Variants in HECW1 observed in about 807,000 individuals in gnomAD.
The protein encoded by HECW1 is HECT, C2 and WW domain containing E3 ubiquitin protein ligase 1, also known as E3 ubiquitin-protein ligase HECW1.
A neutral mutation model predicts 182.3 loss-of-function variants in HECW1; 61 were observed. That is an observed-to-expected ratio of 0.33 (90% confidence interval 0.27 to 0.41). The LOEUF is 0.41. Ranked by LOEUF, HECW1 falls within the 10% of genes least tolerant of loss-of-function variation. The probability of loss-of-function intolerance (pLI) is 1.00; values close to 1 mark genes in which losing one functional copy is unlikely to be tolerated. For missense variants in HECW1, 1,739 were observed against 2,108.9 expected, an observed-to-expected ratio of 0.82 and a Z score of 3.44; for synonymous variants, 859 against 832.6, an observed-to-expected ratio of 1.03 and a Z score of -0.55.
chr7:43,536,516 G>T (rs1234364739), intron 24 of HECW1, among the ~76,000 whole-genome samples: 1 of 152,220 alleles, frequency 6.6e-6, no homozygotes, highest in Non-Finnish European at 1.5e-5. Context: ...ATGTGCACCT[G>T]CTGGGTACCT....
At chr7:43,199,029 C>T (rs920594342) in intron 2 of HECW1, among the ~76,000 whole-genome samples, 4 of 152,234 alleles carry the variant, frequency 2.6e-5, no homozygotes, top group African/African-American at 9.6e-5. Context: ...GGTATGACCA[C>T]AAATCCGATA....
At chr7:43,171,061 T>C (rs1791639876) in intron 2 of HECW1, among the ~76,000 whole-genome samples, 1 of 152,196 alleles carries the variant, frequency 6.6e-6, no homozygotes, top group Non-Finnish European at 1.5e-5. Context: ...GTTGGTCAGA[T>C]GGGAGTGCAC....
intron 2 of HECW1, among the ~76,000 whole-genome samples, chr7:43,175,919 T>A (rs1792189675): frequency 6.6e-6 from 1 of 152,158 alleles, no homozygotes; most frequent in Admixed American, 6.5e-5. Context: ...GTCTTAAATT[T>A]CTCTTACCCA....
chr7:43,120,046 G>A (rs1341596494), intron 2 of HECW1, among the ~76,000 whole-genome samples: 1 of 152,160 alleles, frequency 6.6e-6, no homozygotes, highest in Non-Finnish European at 1.5e-5. Flanking sequence ...TTAGGTGCTG[G>A]GATGTAGCAG....
intron 5 of HECW1, among the ~76,000 whole-genome samples, chr7:43,342,978 A>T (rs947322956): frequency 6.6e-6 from 1 of 151,624 alleles, no homozygotes; most frequent in Non-Finnish European, 1.5e-5. Flanking sequence ...GTGAGCCAAG[A>T]TGCACCACTG....
At chr7:43,153,826 A>C (rs1714164542) in intron 2 of HECW1, among the ~76,000 whole-genome samples, 1 of 152,230 alleles carries the variant, frequency 6.6e-6, no homozygotes, top group African/African-American at 2.4e-5. Flanking sequence ...GTTCATGTGA[A>C]GCATACAGGA....
At chr7:43,330,420 G>A (rs1811318672) in intron 5 of HECW1, among the ~76,000 whole-genome samples, 1 of 152,204 alleles carries the variant, frequency 6.6e-6, no homozygotes, top group African/African-American at 2.4e-5. Flanking sequence ...GAGATCCGCA[G>A]GAGAACTGCC....
intron 5 of HECW1, among the ~76,000 whole-genome samples, chr7:43,357,816 A>G (rs901889456): frequency 1.3e-5 from 2 of 152,200 alleles, no homozygotes; most frequent in African/African-American, 2.4e-5. Context: ...TCCCAATTAC[A>G]TTCATTTGAT....
chr7:43,364,405 A>G (rs1179317724), intron 6 of HECW1, among the ~76,000 whole-genome samples: 1 of 152,196 alleles, frequency 6.6e-6, no homozygotes, highest in African/African-American at 2.4e-5. Context: ...GCTTATAGAG[A>G]TAAATGAAAT....
chr7:43,561,972 C>T lies in HECW1; in HGVS notation c.*46C>T, dbSNP rs759949368. 7.4e-6 allele frequency: 8 copies of T among 1,088,160 alleles called. No homozygotes were observed. Among genetic ancestry groups the T allele is most frequent in the Non-Finnish European group, 1.1e-5 (8 of 703,976 alleles). The allele number at this position is 1,088,160 out of a possible 1,614,324, so 67.4% of individuals were successfully genotyped here. ...CATTTTCCTGGCCAGTGACATCACC[C>T]TTCCTGGGATGATCCCCTTTTCCCT... On this transcript the variant is annotated 3_prime_UTR_variant, in exon 30 of 30. Coordinates refer to ENST00000395891, the MANE Select transcript of HECW1 (RefSeq NM_015052.5).
chr7:43,114,231 C>T lies in HECW1; in HGVS notation c.-192C>T, dbSNP rs1486190964. ...TCAAAAATTGAGGGAGGCATCTTCTCTCTTTTCCTGGGATTTAAACGCGAT... is the reference window on the plus strand; with the variant it reads ...TCAAAAATTGAGGGAGGCATCTTCTTTCTTTTCCTGGGATTTAAACGCGAT... On this transcript the variant is annotated 5_prime_UTR_variant, in exon 2 of 30. Coordinates refer to ENST00000395891, the MANE Select transcript of HECW1 (RefSeq NM_015052.5). The T allele has an allele frequency of 7.3e-7, 1 of 1,362,328 alleles. No homozygotes were observed. The highest frequency in any genetic ancestry group is 1.4e-5 in the African/African-American group (1 of 69,336). The allele number at this position is 1,362,328 out of a possible 1,614,324, so 84.4% of individuals were successfully genotyped here.
intron 5 of HECW1, among the ~76,000 whole-genome samples, chr7:43,329,912 G>A (rs1183901467): frequency 7.9e-5 from 12 of 152,164 alleles, no homozygotes; most frequent in Admixed American, 7.9e-4. Context: ...ATAGGCAAGA[G>A]CCTTTCTTTT....
At chr7:43,408,795 CTAGG>C (rs2075699017) in intron 8 of HECW1, among the ~76,000 whole-genome samples, 1 of 152,052 alleles carries the variant, frequency 6.6e-6, no homozygotes, top group Non-Finnish European at 1.5e-5. Flanking sequence ...GAGGGGAGGC[CTAGG>C]TCATGAGAGT....
chr7:43,148,612 C>G (rs1456394927), intron 2 of HECW1: 1 of 151,788 alleles, frequency 6.6e-6, no homozygotes, highest in Non-Finnish European at 1.5e-5. Context: ...GGTCTGAGTC[C>G]AAAGCCTGTA....
chr7:43,508,077 C>T lies in HECW1; in HGVS notation c.3812C>T (p.Ser1271Leu), dbSNP rs2079666653. The change falls in exon 23 of 30, where the codon TCG (serine) becomes TTG (leucine). Residue 1271 changes from serine (S) to leucine (L), a missense_variant. Ser to Leu is a moderately radical substitution (Grantham distance 145). Transcript: ENST00000395891. ...ACCTTCAATCAGGTGATGGCCTATT[C>T]GCGGAAAGAGCTCCAGCGAAACAAG... The part of the protein sequence containing the change: ...EGTFNQVMAY[S>L]RKELQRNKLY... The T allele has an allele frequency of 4.3e-6, 7 of 1,614,010 alleles. No homozygotes were observed. The highest frequency in any genetic ancestry group is 1.7e-5 in the Admixed American group (1 of 60,018).
At chr7:43,445,990 G>A (rs1197386646) in intron 11 of HECW1, among the ~76,000 whole-genome samples, 1 of 152,184 alleles carries the variant, frequency 6.6e-6, no homozygotes, top group Non-Finnish European at 1.5e-5. Flanking sequence ...GACTTTCAAA[G>A]CACATGGAAG....
intron 3 of HECW1, among the ~76,000 whole-genome samples, chr7:43,275,308 G>A (rs1055592634): frequency 6.6e-6 from 1 of 152,080 alleles, no homozygotes; most frequent in Admixed American, 6.6e-5. Flanking sequence ...TGTTACATAA[G>A]TAAATCACAA....
At chr7:43,217,293 A>G (rs927634391) in intron 2 of HECW1, among the ~76,000 whole-genome samples, 18 of 152,224 alleles carry the variant, frequency 1.2e-4, no homozygotes, top group African/African-American at 4.3e-4. Context: ...CCACTACTGT[A>G]AATTAAAATT....
At chr7:43,230,715 TATAA>T (rs375210446) in intron 2 of HECW1, among the ~76,000 whole-genome samples, 19 of 152,168 alleles carry the variant, frequency 1.2e-4, no homozygotes, top group African/African-American at 4.6e-4. Context: ...CATATGTATG[TATAA>T]ATATGTATAC....
Sources: gnomAD v4.1 joint callset for allele counts (sites outside exome capture counted in the v4.1 genomes callset) on GRCh38, gnomAD v4.1.1 for gene constraint, MANE v1.5 for transcripts, NCBI Gene and HGNC (gene_info 2026-07-23, HGNC 2026-07-21) for gene names.